The following RBFOX1 variants were observed in gnomAD, a reference collection of about 807,000 sequenced individuals.
RBFOX1 encodes RNA binding fox-1 homolog 1.
Under a neutral mutation model 57.7 loss-of-function variants are expected in RBFOX1, and 8 were observed. The ratio of observed to expected loss-of-function variants is 0.14; its 90% CI spans 0.08 to 0.25. The LOEUF is 0.25. RBFOX1 is among the 10% of genes least tolerant of loss of function. The pLI, the probability that RBFOX1 is intolerant of heterozygous loss-of-function variation, is 1.00. For synonymous variants in RBFOX1, 326 were observed against 222.4 expected (o/e 1.47, Z -4.15); for missense variants, 611 against 548.5 (o/e 1.11, Z -1.14).
chr16:7,500,149 C>T (rs183114248), intron 4 of RBFOX1, among the ~76,000 whole-genome samples: 1 of 152,270 alleles, frequency 6.6e-6, no homozygotes, highest in African/African-American at 2.4e-5. Flanking sequence ...TTATGCACTG[C>T]TTAATCATGT....
intron 3 of RBFOX1, among the ~76,000 whole-genome samples, chr16:6,983,908 A>G (rs774284946): frequency 6.6e-6 from 1 of 152,154 alleles, no homozygotes; most frequent in Non-Finnish European, 1.5e-5. Flanking sequence ...CTTAGCATGT[A>G]GTAATGTGTC....
chr16:6,273,175 G>C (rs1167707625), intron 1 of RBFOX1, among the ~76,000 whole-genome samples: 1 of 151,594 alleles, frequency 6.6e-6, no homozygotes, highest in Admixed American at 6.6e-5. Context: ...CAGGAGAATG[G>C]CTTGAACCTG....
At chr16:6,167,862 G>A (rs2096929255) in intron 1 of RBFOX1, among the ~76,000 whole-genome samples, 1 of 152,132 alleles carries the variant, frequency 6.6e-6, no homozygotes, top group South Asian at 2.1e-4. Flanking sequence ...ACTGCTCCGG[G>A]ATGGGGTCAA....
chr16:7,511,767 T>C (rs2075153460), intron 4 of RBFOX1, among the ~76,000 whole-genome samples: 1 of 152,176 alleles, frequency 6.6e-6, no homozygotes, highest in African/African-American at 2.4e-5. Flanking sequence ...TCTCGTTGAC[T>C]GAGAGGTTTG....
chr16:7,071,099 C>G (rs763538599), intron 4 of RBFOX1, among the ~76,000 whole-genome samples: 1 of 152,122 alleles, frequency 6.6e-6, no homozygotes, highest in Non-Finnish European at 1.5e-5. Flanking sequence ...AGGGTCCCAT[C>G]TGGCTTAACA....
At chr16:5,749,338 T>G (rs2053106048) in intron 3 of RBFOX1, among the ~76,000 whole-genome samples, 1 of 152,178 alleles carries the variant, frequency 6.6e-6, no homozygotes, top group Non-Finnish European at 1.5e-5. Flanking sequence ...TGACAATTTA[T>G]TTGTCTTGGA....
At chr16:6,707,090 C>A (rs114385393) in intron 3 of RBFOX1, among the ~76,000 whole-genome samples, 1 of 152,182 alleles carries the variant, frequency 6.6e-6, no homozygotes, top group African/African-American at 2.4e-5. Context: ...TTCCAGACTT[C>A]CATGCACACA....
intron 4 of RBFOX1, among the ~76,000 whole-genome samples, chr16:7,311,356 A>T (rs954434986): frequency 6.6e-6 from 1 of 150,796 alleles, no homozygotes; most frequent in African/African-American, 2.4e-5. Context: ...TGCAATGACT[A>T]TTTTTTTTCT....
At chr16:6,253,660 TGTG>T (rs1418199648) in intron 1 of RBFOX1, among the ~76,000 whole-genome samples, 3 of 124,750 alleles carry the variant, frequency 2.4e-5, no homozygotes, top group South Asian at 3.2e-4. Context: ...AAGAAATAGA[TGTG>T]TGTGTGTGTG....
intron 3 of RBFOX1, among the ~76,000 whole-genome samples, chr16:5,792,858 G>A (rs1282746677): frequency 6.6e-6 from 1 of 152,026 alleles, no homozygotes; most frequent in Non-Finnish European, 1.5e-5. Context: ...AAAAAATCAT[G>A]AAGATAAGAA....
At chr16:7,273,461 G>A (rs974264380) in intron 4 of RBFOX1, among the ~76,000 whole-genome samples, 9 of 151,986 alleles carry the variant, frequency 5.9e-5, no homozygotes, top group Non-Finnish European at 1.3e-4. Flanking sequence ...TCTCTCTGCT[G>A]CATCAAGGGT....
intron 2 of RBFOX1, among the ~76,000 whole-genome samples, chr16:6,527,884 C>T (rs950873107): frequency 3.3e-5 from 5 of 152,072 alleles, no homozygotes; most frequent in African/African-American, 1.2e-4. Context: ...AAAGAGTGAC[C>T]ACACCCCTCA....
In RBFOX1 at chr16:6,858,024, T is replaced by A. The variant is rs188456808; in HGVS notation, c.-15-194033T>A. 1.7e-4 allele frequency among the ~76,000 whole-genome samples: 26 copies of A among 152,318 alleles called. No homozygotes were observed. In the East Asian group the frequency reaches 3.7e-3, roughly 21 times the overall value. On this transcript the variant is annotated intron_variant, in intron 3 of 15. Coordinates refer to ENST00000550418, the MANE Select transcript of RBFOX1 (RefSeq NM_018723.4). Reference sequence around the variant, plus strand: ...CAGCATATGGAAAAGGCAAGGCTTTTCTCTTCTACTCACAAATGTTCATCC... The same window carrying A: ...CAGCATATGGAAAAGGCAAGGCTTTACTCTTCTACTCACAAATGTTCATCC...
intron 14 of RBFOX1, among the ~76,000 whole-genome samples, chr16:7,693,107 G>T (rs117487663): frequency 6.6e-6 from 1 of 152,140 alleles, no homozygotes; most frequent in East Asian, 1.9e-4. Context: ...TACATAGTTC[G>T]TATTCTGACA....
chr16:6,567,035 G>A (rs768524582), intron 2 of RBFOX1, among the ~76,000 whole-genome samples: 4 of 152,242 alleles, frequency 2.6e-5, no homozygotes, highest in South Asian at 2.1e-4. Context: ...CAGTCAAATC[G>A]TTGAAATTAA....
intron 1 of RBFOX1, among the ~76,000 whole-genome samples, chr16:5,318,988 A>T (rs1213236126): frequency 1.3e-5 from 2 of 152,104 alleles, no homozygotes; most frequent in Non-Finnish European, 2.9e-5. Flanking sequence ...TTAGCTGGGC[A>T]TGGTGGCGTG....
intron 4 of RBFOX1, among the ~76,000 whole-genome samples, chr16:7,294,495 C>T (rs1292751971): frequency 6.8e-6 from 1 of 147,290 alleles, no homozygotes; most frequent in East Asian, 2.0e-4. Context: ...TCACTTTTGC[C>T]AGAAATGATG....
At chr16:5,413,473 T>C (rs2067079788) in intron 1 of RBFOX1, among the ~76,000 whole-genome samples, 1 of 152,236 alleles carries the variant, frequency 6.6e-6, no homozygotes, top group African/African-American at 2.4e-5. Flanking sequence ...ATTCAGCTTC[T>C]CAGTTACAGT....
At chr16:5,343,120 C>T (rs1228977148) in intron 1 of RBFOX1, among the ~76,000 whole-genome samples, 2 of 152,094 alleles carry the variant, frequency 1.3e-5, no homozygotes, top group African/African-American at 2.4e-5. Context: ...GGCCAGTAGA[C>T]ATCAGTAAGG....
Sources: gnomAD v4.1 joint callset for allele counts (sites outside exome capture counted in the v4.1 genomes callset) on GRCh38, gnomAD v4.1.1 for gene constraint, MANE v1.5 for transcripts, NCBI Gene and HGNC (gene_info 2026-07-23, HGNC 2026-07-21) for gene names.